Variants in NEO1 observed in about 807,000 individuals in gnomAD.
NEO1 encodes neogenin.
A neutral mutation model predicts 159.7 loss-of-function variants in NEO1; 63 were observed. The ratio of observed to expected loss-of-function variants is 0.39; its 90% CI spans 0.32 to 0.49. The LOEUF (loss-of-function observed/expected upper bound fraction) is 0.49, where lower values mean the gene tolerates loss of function less well. Among genes scored for constraint, NEO1 ranks in the 20% least tolerant of loss-of-function variants. The pLI is 0.85. For missense variants in NEO1, 1,615 were observed against 1,831.0 expected, an observed-to-expected ratio of 0.88 and a Z score of 2.15; for synonymous variants, 633 against 662.0, an observed-to-expected ratio of 0.96 and a Z score of 0.67.
intron 5 of NEO1, among the ~76,000 whole-genome samples, chr15:73,137,155 A>G (rs2031851316): frequency 6.6e-6 from 1 of 152,190 alleles, no homozygotes; most frequent in African/African-American, 2.4e-5. Flanking sequence ...GATGCACGTT[A>G]GTTTATAGCC....
In NEO1 at chr15:73,195,958, A is replaced by C. The variant is rs149977007; in HGVS notation, c.1291+17531A>C. Among the ~76,000 whole-genome samples the C allele has an allele frequency of 7.0e-3, 1,069 of 152,330 alleles. 53 individuals carry two copies. The highest frequency in any genetic ancestry group is 0.065 in the Admixed American group (996 of 15,294). The stretch of plus-strand genomic sequence containing the variant: ...TATTTCTCTGTCAACTACATCCTAG[A>C]AAATTGGTTTATGATTAGATGTCAT... On this transcript the variant is annotated intron_variant, in intron 7 of 28. Transcript: ENST00000261908.
At chr15:73,075,858 C>T (rs1454763730) in intron 1 of NEO1, among the ~76,000 whole-genome samples, 5 of 152,186 alleles carry the variant, frequency 3.3e-5, no homozygotes, top group African/African-American at 1.2e-4. Flanking sequence ...GCTTCAACCC[C>T]TTCCTTCCTC....
chr15:73,274,786 G>GTT, intron 21 of NEO1, 62 bp downstream of exon 21: 1 of 1,422,472 alleles, frequency 7.0e-7, no homozygotes, highest in Non-Finnish European at 9.6e-7. Context: ...TTAGCTTTTG[G>GTT]TTTTTGTTTC....
chr15:73,295,151 T>TATATATATATATATATA (rs1555470520), intron 26 of NEO1, among the ~76,000 whole-genome samples: 3 of 145,548 alleles, frequency 2.1e-5, no homozygotes, highest in Non-Finnish European at 3.0e-5. Flanking sequence ...TATGTAAAAA[T>TATATATATATATATATA]TTGGCCTTTC....
In NEO1 at chr15:73,159,208, A is replaced by G. The variant is rs551792956; in HGVS notation, c.1016-17195A>G. On this transcript the variant is annotated intron_variant, in intron 5 of 28. Transcript: ENST00000261908. ...TAGTTTTTCAAAGCTGATAAACACT[A>G]CAAACGTTACCAAAACCCAGAAAAA... 7.9e-5 allele frequency among the ~76,000 whole-genome samples: 12 copies of G among 152,366 alleles called. No homozygotes were observed. In the South Asian group the frequency reaches 2.5e-3, roughly 32 times the overall value.
Position 73,278,154 on chromosome 15 carries a change from A to G in NEO1, c.3217A>G (p.Ser1073Gly), listed in dbSNP as rs760836356. 21 of 1,613,452 alleles carry G rather than the reference A, an allele frequency of 1.3e-5. No individual in the cohort carries two copies. The South Asian group carries it at 2.1e-4, about 16-fold the overall frequency. The change falls in exon 22 of 29, where the codon AGC becomes GGC. Residue 1073 changes from serine to glycine, a missense_variant. Ser to Gly is a moderately conservative substitution (Grantham distance 56). Around this residue, in one of 3 missense-constraint regions of NEO1, gnomAD observed 126 missense variants for 216.7 expected, o/e 0.58. Transcript: ENST00000261908. Reference protein sequence around the residue: ...DQASGSGGKGSRLPDLGSDYK... With the variant: ...DQASGSGGKGGRLPDLGSDYK... ...AGCCTCAGGGTCTGGAGGGAAAGGA[A>G]GCCGGCTGCCAGACCTAGGATCCGA...
At chr15:73,246,397 C>T (rs1490621710) in intron 9 of NEO1, among the ~76,000 whole-genome samples, 1 of 152,072 alleles carries the variant, frequency 6.6e-6, no homozygotes, top group African/African-American at 2.4e-5. Flanking sequence ...TTTACAGTTA[C>T]CTATGTTCAG....
At chr15:73,224,445 T>C (rs1442092987) in intron 7 of NEO1, among the ~76,000 whole-genome samples, 1 of 152,182 alleles carries the variant, frequency 6.6e-6, no homozygotes, top group African/African-American at 2.4e-5. Context: ...GGAACACCAA[T>C]TATTCTTAGG....
chr15:73,117,524 T>G (rs907782991), intron 2 of NEO1, among the ~76,000 whole-genome samples: 1 of 152,206 alleles, frequency 6.6e-6, no homozygotes, highest in Non-Finnish European at 1.5e-5. Flanking sequence ...AAATAGTTTT[T>G]GTGAAGGGTC....
At chr15:73,257,405 A>G (rs559077222) in intron 13 of NEO1, among the ~76,000 whole-genome samples, 1 of 152,266 alleles carries the variant, frequency 6.6e-6, no homozygotes, top group Non-Finnish European at 1.5e-5. Context: ...TTTTAAAATC[A>G]TATCTGGATT....
chr15:73,075,372 C>T (rs1174608600), intron 1 of NEO1, among the ~76,000 whole-genome samples: 1 of 152,196 alleles, frequency 6.6e-6, no homozygotes, highest in African/African-American at 2.4e-5. Flanking sequence ...CCTTAAGGAA[C>T]TTGTCTAATG....
At chr15:73,271,068 A>G (rs1443851699) in intron 18 of NEO1, among the ~76,000 whole-genome samples, 1 of 152,092 alleles carries the variant, frequency 6.6e-6, no homozygotes, top group African/African-American at 2.4e-5. Context: ...TTGGCCTCCT[A>G]TTTCTCTCCT....
intron 7 of NEO1, among the ~76,000 whole-genome samples, chr15:73,178,821 G>A (rs570408624): frequency 6.6e-6 from 1 of 152,062 alleles, no homozygotes; most frequent in African/African-American, 2.4e-5. Context: ...AAATAACTTT[G>A]GAAGCAGAGC....
intron 26 of NEO1, among the ~76,000 whole-genome samples, chr15:73,296,774 G>T (rs1459415229): frequency 6.6e-6 from 1 of 152,146 alleles, no homozygotes; most frequent in Non-Finnish European, 1.5e-5. Context: ...TCAAGGGCAG[G>T]TAGTGTACGC....
rs559378579 is a variant in NEO1 at position 73,183,894 on chromosome 15, T to C, written c.1291+5467T>C. On this transcript the variant is annotated intron_variant, in intron 7 of 28. Transcript: ENST00000261908. ...ATTCCAAGCTCAATTCCTGACTAGATTAACTAAACTCTTTCACACTAATGA... is the reference window on the plus strand; with the variant it reads ...ATTCCAAGCTCAATTCCTGACTAGACTAACTAAACTCTTTCACACTAATGA... Among the ~76,000 whole-genome samples the C allele has an allele frequency of 2.0e-5, 3 of 152,298 alleles. No individual in the cohort carries two copies. The East Asian group carries it at 5.8e-4, about 29-fold the overall frequency.
At chr15:73,173,242 A>G (rs1189253888) in intron 5 of NEO1, among the ~76,000 whole-genome samples, 1 of 152,214 alleles carries the variant, frequency 6.6e-6, no homozygotes, top group African/African-American at 2.4e-5. Context: ...AGATGAGTCT[A>G]AATTTATCTG....
intron 7 of NEO1, among the ~76,000 whole-genome samples, chr15:73,186,056 A>G (rs1269708210): frequency 6.6e-6 from 1 of 152,108 alleles, no homozygotes; most frequent in Non-Finnish European, 1.5e-5. Context: ...ATCATAGTCA[A>G]ACTTCTGGAA....
In NEO1 at chr15:73,302,825, A is replaced by C. The variant is rs959117362; in HGVS notation, c.*129A>C. 4 of 833,766 alleles carry C rather than the reference A, an allele frequency of 4.8e-6. No individual in the cohort carries two copies. The highest frequency in any genetic ancestry group is 7.7e-6 in the Non-Finnish European group (4 of 518,542). The allele number at this position is 833,766 out of a possible 1,614,324, so 51.6% of individuals were successfully genotyped here. On this transcript the variant is annotated 3_prime_UTR_variant, in exon 29 of 29. Transcript: ENST00000261908. Reference sequence around the variant, plus strand: ...CACAGAATGAGCCAGCAGACTGGCCAGCGCCTCTGTGTAGGGCTGGCTCCA... The same window carrying C: ...CACAGAATGAGCCAGCAGACTGGCCCGCGCCTCTGTGTAGGGCTGGCTCCA...
At chr15:73,222,791 G>T (rs2038366306) in intron 7 of NEO1, among the ~76,000 whole-genome samples, 1 of 151,992 alleles carries the variant, frequency 6.6e-6, no homozygotes, top group East Asian at 1.9e-4. Flanking sequence ...GTTCTGCTCT[G>T]ATCTTGGTAC....
Sources: gnomAD v4.1 joint callset for allele counts (sites outside exome capture counted in the v4.1 genomes callset) on GRCh38, gnomAD v4.1.1 for gene constraint, gnomAD v4.1.1 regional missense constraint, MANE v1.5 for transcripts, NCBI Gene and HGNC (gene_info 2026-07-23, HGNC 2026-07-21) for gene names.